The following FAM135B variants were observed in gnomAD, a reference collection of about 807,000 sequenced individuals.
FAM135B encodes the protein protein FAM135B.
A neutral mutation model predicts 127.7 loss-of-function variants in FAM135B; 43 were observed. The ratio of observed to expected loss-of-function variants is 0.34; its 90% CI spans 0.26 to 0.43. The LOEUF is 0.43. Among genes scored for constraint, FAM135B ranks in the 20% least tolerant of loss-of-function variants. FAM135B has a pLI of 1.00. For missense variants in FAM135B, 1,558 were observed against 1,725.6 expected, an observed-to-expected ratio of 0.90 and a Z score of 1.72; for synonymous variants, 670 against 665.1, an observed-to-expected ratio of 1.01 and a Z score of -0.11.
intron 7 of FAM135B, among the ~76,000 whole-genome samples, chr8:138,239,936 A>G (rs968360369): frequency 1.4e-5 from 2 of 145,736 alleles, no homozygotes; most frequent in Admixed American, 1.4e-4. Context: ...ACTCATAGGT[A>G]GGAATTGAAC....
At chr8:138,171,906 G>A (rs990292292) in intron 11 of FAM135B, among the ~76,000 whole-genome samples, 4 of 152,166 alleles carry the variant, frequency 2.6e-5, no homozygotes, top group Non-Finnish European at 4.4e-5. Context: ...GTGCACATGT[G>A]TTTACATGGA....
chr8:138,485,125 G>T (rs1814935846), intron 1 of FAM135B, among the ~76,000 whole-genome samples: 1 of 152,124 alleles, frequency 6.6e-6, no homozygotes, highest in African/African-American at 2.4e-5. Context: ...TTTAATTTTA[G>T]TAATTTCTGA....
At chr8:138,209,358 A>G (rs1817960151) in intron 7 of FAM135B, among the ~76,000 whole-genome samples, 1 of 152,188 alleles carries the variant, frequency 6.6e-6, no homozygotes, top group Non-Finnish European at 1.5e-5. Flanking sequence ...GGCTTTCTGG[A>G]CAGATGCTGC....
chr8:138,149,359 T>C (rs1368577031), intron 13 of FAM135B, among the ~76,000 whole-genome samples: 5 of 152,174 alleles, frequency 3.3e-5, no homozygotes, highest in South Asian at 2.1e-4. Flanking sequence ...AGGCCCTCCA[T>C]GGCTTGGCCT....
At chr8:138,143,145 T>C in intron 15 of FAM135B, 36 bp from the exon 16 acceptor site, 1 of 1,235,918 alleles carries the variant, frequency 8.1e-7, no homozygotes, top group Non-Finnish European at 1.2e-6. Context: ...TTGGGTATGG[T>C]TGTGGCGGGG....
intron 12 of FAM135B, among the ~76,000 whole-genome samples, chr8:138,154,665 G>A (rs948289214): frequency 6.6e-6 from 1 of 152,018 alleles, no homozygotes; most frequent in East Asian, 1.9e-4. Context: ...TTGAGTAGCC[G>A]ATTCAATCAA....
intron 19 of FAM135B, among the ~76,000 whole-genome samples, chr8:138,135,048 G>A (rs549484158): frequency 2.0e-5 from 3 of 152,278 alleles, no homozygotes; most frequent in East Asian, 1.9e-4. Flanking sequence ...TCCAGGACGC[G>A]CAGTGTAACT....
intron 11 of FAM135B, among the ~76,000 whole-genome samples, chr8:138,172,363 C>A (rs1210637789): frequency 5.3e-5 from 8 of 152,236 alleles, no homozygotes; most frequent in Non-Finnish European, 8.8e-5. Flanking sequence ...CTGTGTCTGG[C>A]CTCAGGGCCT....
In FAM135B at chr8:138,151,466, C is replaced by T. The variant is rs764846576; in HGVS notation, c.3009G>A (p.Leu1003=). 7 of 1,614,120 alleles carry T rather than the reference C, an allele frequency of 4.3e-6. No individual in the cohort carries two copies. The highest frequency in any genetic ancestry group is 2.2e-5 in the East Asian group (1 of 44,890). ...ACCCCATGATGGAAGTGCCTGCCTTCAGCTCTTGGTTTTTCAAAACCTGGG... is the reference window on the plus strand; with the variant it reads ...ACCCCATGATGGAAGTGCCTGCCTTTAGCTCTTGGTTTTTCAAAACCTGGG... ...VHSQVLKNQE[L]KAGTSIMGSH... Residue 1003 remains leucine, a synonymous_variant, in exon 13 of 20, where the codon CTG becomes CTA. Coordinates refer to ENST00000395297, the MANE Select transcript of FAM135B (RefSeq NM_015912.4).
intron 1 of FAM135B, among the ~76,000 whole-genome samples, chr8:138,405,788 C>T (rs1304110280): frequency 6.6e-6 from 1 of 152,010 alleles, no homozygotes; most frequent in Non-Finnish European, 1.5e-5. Flanking sequence ...GGAATCGCCA[C>T]ACTGACTTCC....
At chr8:138,380,631 C>G (rs539553746) in intron 1 of FAM135B, among the ~76,000 whole-genome samples, 7 of 152,082 alleles carry the variant, frequency 4.6e-5, no homozygotes, top group African/African-American at 1.7e-4. Flanking sequence ...AATCACAGAA[C>G]AAATGTCCTC....
At chr8:138,371,281 T>A (rs1450254597) in intron 1 of FAM135B, among the ~76,000 whole-genome samples, 2 of 152,154 alleles carry the variant, frequency 1.3e-5, no homozygotes, top group Non-Finnish European at 2.9e-5. Context: ...GGCATATTGT[T>A]GGAACATACT....
At chr8:138,392,432 G>A (rs555154126) in intron 1 of FAM135B, among the ~76,000 whole-genome samples, 21 of 152,312 alleles carry the variant, frequency 1.4e-4, no homozygotes, top group African/African-American at 4.8e-4. Flanking sequence ...CAGGAGCTGA[G>A]TAAATCCTGT....
At chr8:138,467,531 T>C (rs935447700) in intron 1 of FAM135B, among the ~76,000 whole-genome samples, 3 of 152,344 alleles carry the variant, frequency 2.0e-5, no homozygotes, top group East Asian at 3.9e-4. Context: ...GAAAGTTCCA[T>C]TGGACAGTAT....
intron 3 of FAM135B, among the ~76,000 whole-genome samples, chr8:138,270,195 T>G (rs1264307442): frequency 6.6e-6 from 1 of 151,860 alleles, no homozygotes. Flanking sequence ...AGTGGAAAAA[T>G]ATGGATAAGA....
chr8:138,181,595 C>T lies in FAM135B; in HGVS notation c.874-2905G>A, dbSNP rs144044648. ...GCTGGTCTCCCTGCGCACCTTCCCC[C>T]GTCACCTTCCAGTTTCCTTTCTTCT... On this transcript the variant is annotated intron_variant, in intron 9 of 19. Transcript: ENST00000395297. Among the ~76,000 whole-genome samples the T allele has an allele frequency of 7.7e-4, 117 of 152,298 alleles. No homozygotes were observed. The East Asian group carries it at 0.021, about 27-fold the overall frequency.
chr8:138,384,283 T>C (rs141423581), intron 1 of FAM135B, among the ~76,000 whole-genome samples: 1,589 of 152,316 alleles, frequency 0.01, 65 homozygotes, highest in Admixed American at 0.074. Context: ...CTAACATCAC[T>C]TCCTCCCCTT....
chr8:138,242,077 A>G lies in FAM135B; in HGVS notation c.669+865T>C, dbSNP rs1174157202. On this transcript the variant is annotated intron_variant, in intron 7 of 19. Transcript: ENST00000395297. This position sits in a 1 kb window ranked among gnomAD's most constrained non-coding sequence, Gnocchi z 9.6. ...CTTGGACTGGAATGATACCACCTGC[A>G]CTCTTGGGTCTCCAGCTTGCTGACT... Among the ~76,000 whole-genome samples the G allele has an allele frequency of 6.6e-6, 1 of 150,906 alleles. No homozygotes were observed. Among genetic ancestry groups the G allele is most frequent in the Non-Finnish European group, 1.5e-5 (1 of 67,920 alleles).
chr8:138,156,744 C>T (rs1818793819), intron 12 of FAM135B, among the ~76,000 whole-genome samples: 1 of 152,040 alleles, frequency 6.6e-6, no homozygotes, highest in African/African-American at 2.4e-5. Flanking sequence ...AAGACTAAAC[C>T]AGGAAGAAGC....
Sources: allele counts gnomAD v4.1 joint callset (sites outside exome capture counted in the v4.1 genomes callset), GRCh38; gene constraint gnomAD v4.1.1; non-coding constraint Gnocchi (gnomAD v3.1); transcripts MANE v1.5; gene names NCBI Gene and HGNC (gene_info 2026-07-23, HGNC 2026-07-21).